The following GNG2 variants were observed in gnomAD, a reference collection of about 807,000 sequenced individuals.
The protein encoded by GNG2 is G protein subunit gamma 2.
A neutral mutation model predicts 5.5 loss-of-function variants in GNG2; 5 were observed. That is an observed-to-expected ratio of 0.91 (90% CI 0.48 to 1.92). GNG2 has a LOEUF of 1.92. Among genes scored for constraint, GNG2 ranks in the 30% most tolerant of loss-of-function variants. The pLI, the probability that GNG2 is intolerant of heterozygous loss-of-function variation, is 0.01. For synonymous variants in GNG2, 28 were observed against 32.0 expected, an observed-to-expected ratio of 0.88 and a Z score of 0.42; for missense variants, 55 against 88.4, an observed-to-expected ratio of 0.62 and a Z score of 1.52.
At chr14:51,895,721 C>G (rs1220112414) in intron 2 of GNG2, among the ~76,000 whole-genome samples, 2 of 152,156 alleles carry the variant, frequency 1.3e-5, no homozygotes, top group Admixed American at 6.5e-5. Flanking sequence ...GGCTATGTGT[C>G]CCCACCCAAA....
intron 3 of GNG2, among the ~76,000 whole-genome samples, chr14:51,958,439 T>C (rs1404442236): frequency 2.3e-5 from 3 of 132,584 alleles, no homozygotes; most frequent in Non-Finnish European, 3.2e-5. Context: ...TCTCTTCCGT[T>C]CCCCCCCCCC....
Position 51,827,549 on chromosome 14 carries a change from T to TCAG in GNG2, c.-76-119_-76-118insCAG, listed in dbSNP as rs1157142469. On this transcript the variant is annotated intron_variant, in intron 1 of 3. Coordinates refer to the GNG2 transcript ENST00000553432. ...GTAGTGAGAAAGCTAGGAGTGGTAT[T>TCAG]TTTTGATGTCATACAGTTCCAGACT... 1.4e-5 allele frequency: 8 copies of TCAG among 585,050 alleles called. 1 individual carries two copies. In the East Asian group the frequency reaches 2.4e-4, roughly 18 times the overall value. The allele number at this position is 585,050 out of a possible 1,614,324, so 36.2% of individuals were successfully genotyped here.
In GNG2 at chr14:51,914,250, C is replaced by T. The variant is rs1003460539; in HGVS notation, c.-29-36400C>T. The stretch of plus-strand genomic sequence containing the variant: ...GCCATTGAATGGAGTTATTAGGCAA[C>T]ATAAAACGGACAAGCCAGACCAAGG... On this transcript the variant is annotated intron_variant, in intron 2 of 3. Coordinates refer to ENST00000556766, the MANE Select transcript of GNG2 (RefSeq NM_053064.5). 8 of 702,092 alleles carry T rather than the reference C, an allele frequency of 1.1e-5. No individual in the cohort carries two copies. The African/African-American group carries it at 1.2e-4, about 11-fold the overall frequency. The allele number at this position is 702,092 out of a possible 1,614,324, so 43.5% of individuals were successfully genotyped here. A position where few individuals can be genotyped will look rare whatever the true frequency, so the allele number is the denominator to read the frequency against.
rs146914050 is a variant in GNG2 at position 51,844,590 on chromosome 14, C to T, written c.64+16783C>T. 2.2e-4 allele frequency among the ~76,000 whole-genome samples: 34 copies of T among 152,258 alleles called. 1 individual carries two copies. Among genetic ancestry groups the T allele is most frequent in the East Asian group, 1.3e-3 (7 of 5,188 alleles). On this transcript the variant is annotated intron_variant, in intron 2 of 3. Coordinates refer to the GNG2 transcript ENST00000553432. Reference sequence around the variant, plus strand: ...TCAGATGGAAGCCCCAAAACCTCCACGGAAGAGGACTCAGTTCCAAGAAGG... The same window carrying T: ...TCAGATGGAAGCCCCAAAACCTCCATGGAAGAGGACTCAGTTCCAAGAAGG...
intron 2 of GNG2, among the ~76,000 whole-genome samples, chr14:51,944,930 A>C (rs1888553139): frequency 6.6e-6 from 1 of 152,186 alleles, no homozygotes; most frequent in African/African-American, 2.4e-5. Flanking sequence ...CTTAAAACTC[A>C]ACAACAATAA....
intron 1 of GNG2, chr14:51,873,771 A>G (rs1356728029): frequency 1.3e-5 from 2 of 152,268 alleles, no homozygotes; most frequent in Non-Finnish European, 2.9e-5. Context: ...GCAGGTTTAA[A>G]TGATCTCAGC....
rs535623588 is a variant in GNG2 at position 51,829,936 on chromosome 14, G to A, written c.64+2129G>A. Among the ~76,000 whole-genome samples, 3 of 151,254 alleles carry A rather than the reference G, an allele frequency of 2.0e-5. No homozygotes were observed. The South Asian group carries it at 6.2e-4, about 31-fold the overall frequency. ...CAGCTCCCTGCAACTTCCGCCTCCT[G>A]GGTTCAAAGGATTCTTCTACCTCAG... On this transcript the variant is annotated intron_variant, in intron 2 of 3. Transcript: ENST00000553432.
rs372676844 is a variant in GNG2, at chr14:51,874,722, A to C, written c.-70-2895A>C. On this transcript the variant is annotated intron_variant, in intron 1 of 3. Coordinates refer to ENST00000556766, the MANE Select transcript of GNG2 (RefSeq NM_053064.5). ...TGCATTCTAGCGTGGGTGACAGAGC[A>C]AGACTCTGTCTCAAAAAAAAAAAAG... is the stretch of plus-strand genomic sequence containing the variant. Among the ~76,000 whole-genome samples the C allele has an allele frequency of 5.3e-4, 81 of 152,046 alleles. No individual in the cohort carries two copies. The East Asian group carries it at 0.012, about 23-fold the overall frequency.
At chr14:51,938,650 TG>T (rs1888146533) in intron 2 of GNG2, among the ~76,000 whole-genome samples, 1 of 152,236 alleles carries the variant, frequency 6.6e-6, no homozygotes, top group Non-Finnish European at 1.5e-5. Context: ...TAGTGTCATT[TG>T]TACCACTAGA....
At chr14:51,950,560 C>T (rs2140284377) in intron 2 of GNG2, 90 bp from the exon 3 acceptor site, 6 of 777,920 alleles carry the variant, frequency 7.7e-6, no homozygotes, top group Middle Eastern at 2.5e-4. Context: ...GCTACAGCCA[C>T]TGCTTTGAGA....
chr14:51,941,326 C>T (rs1888305635), intron 2 of GNG2, among the ~76,000 whole-genome samples: 1 of 152,136 alleles, frequency 6.6e-6, no homozygotes, highest in Non-Finnish European at 1.5e-5. Flanking sequence ...TAAACAATCA[C>T]CAAAGATGTG....
chr14:51,894,131 C>T (rs886712825), intron 2 of GNG2, among the ~76,000 whole-genome samples: 1 of 151,986 alleles, frequency 6.6e-6, no homozygotes, highest in African/African-American at 2.4e-5. Context: ...GGAAAACAAC[C>T]ATTGAGATTC....
intron 3 of GNG2, among the ~76,000 whole-genome samples, chr14:51,951,579 T>C (rs578188613): frequency 6.6e-6 from 1 of 152,358 alleles, no homozygotes; most frequent in Admixed American, 6.5e-5. Context: ...TATCTCATTG[T>C]ACTAAGCTAA....
At chr14:51,966,274 G>T (rs1475240727) in intron 3 of GNG2, among the ~76,000 whole-genome samples, 4 of 145,286 alleles carry the variant, frequency 2.8e-5, no homozygotes, top group South Asian at 4.3e-4. Flanking sequence ...GGCTATGGAA[G>T]TGCAGGGTTG....
intron 2 of GNG2, among the ~76,000 whole-genome samples, chr14:51,893,692 A>G (rs1333624455): frequency 6.6e-6 from 1 of 151,948 alleles, no homozygotes; most frequent in Non-Finnish European, 1.5e-5. Context: ...TAATATAAAT[A>G]TCCTCCTTAT....
chr14:51,863,309 C>T (rs1028696494), intron 1 of GNG2, among the ~76,000 whole-genome samples: 3 of 152,162 alleles, frequency 2.0e-5, no homozygotes, highest in African/African-American at 4.8e-5. Flanking sequence ...AACTTAGGAA[C>T]CTCAGTTTCC....
intron 2 of GNG2, among the ~76,000 whole-genome samples, chr14:51,897,098 A>T (rs1474655258): frequency 6.6e-6 from 1 of 152,234 alleles, no homozygotes; most frequent in Admixed American, 6.5e-5. Context: ...CCTTTTAGCC[A>T]CAATCCAGGA....
chr14:51,864,529 A>G (rs2140108126), intron 1 of GNG2, among the ~76,000 whole-genome samples: 1 of 152,336 alleles, frequency 6.6e-6, no homozygotes, highest in East Asian at 1.9e-4. Context: ...CTCCTCTCAA[A>G]AGTAACATTT....
intron 2 of GNG2, among the ~76,000 whole-genome samples, chr14:51,929,584 T>C (rs531640450): frequency 1.6e-4 from 24 of 152,158 alleles, no homozygotes; most frequent in Non-Finnish European, 3.1e-4. Context: ...GAGCCAAAAG[T>C]GATTGGAGGT....
Sources: gnomAD v4.1 joint callset for allele counts (sites outside exome capture counted in the v4.1 genomes callset) on GRCh38, gnomAD v4.1.1 for gene constraint, MANE v1.5 for transcripts, NCBI Gene and HGNC (gene_info 2026-07-23, HGNC 2026-07-21) for gene names.